The following SYT9 variants were observed in gnomAD, a reference collection of about 807,000 sequenced individuals.
The protein encoded by SYT9 is synaptotagmin 9, also known as synaptotagmin-9.
In SYT9, 22 loss-of-function variants were observed where a neutral mutation model predicts 48.4. That is an observed-to-expected ratio of 0.45 (90% confidence interval 0.32 to 0.65). SYT9 has a LOEUF of 0.65. Among genes scored for constraint, SYT9 ranks in the 30% least tolerant of loss-of-function variants. The pLI, the probability that SYT9 is intolerant of heterozygous loss-of-function variation, is 0.03. For missense variants in SYT9, 577 were observed against 622.0 expected (o/e 0.93, Z 0.77); for synonymous variants, 265 against 245.0 (o/e 1.08, Z -0.76).
intron 3 of SYT9, 45 bp from the exon 4 acceptor site, chr11:7,415,997 G>A (rs1156467989): frequency 4.3e-6 from 7 of 1,613,142 alleles, no homozygotes; most frequent in Non-Finnish European, 5.1e-6. Context: ...TTGCACACCA[G>A]GCTGGAGACA....
rs1027223571 is a variant in SYT9 at position 7,414,608 on chromosome 11, G to A, written c.1045-1434G>A. 3.3e-5 allele frequency among the ~76,000 whole-genome samples: 5 copies of A among 150,594 alleles called. 1 individual carries two copies. The highest frequency in any genetic ancestry group is 1.3e-4 in the Admixed American group (2 of 15,266). On this transcript the variant is annotated intron_variant, in intron 3 of 6. Coordinates refer to ENST00000318881, the MANE Select transcript of SYT9 (RefSeq NM_175733.4). ...AAAAGGGGAATGCCCAGTCACATGG[G>A]TCCCTTGAGGTCATGGCTCCAGGAA...
intron 6 of SYT9, among the ~76,000 whole-genome samples, chr11:7,422,040 G>C (rs1244675073): frequency 6.6e-6 from 1 of 152,218 alleles, no homozygotes; most frequent in Non-Finnish European, 1.5e-5. Context: ...TCCAGGCAGA[G>C]AGCTTTCCTC....
chr11:7,342,399 G>A (rs1195881047), intron 3 of SYT9, among the ~76,000 whole-genome samples: 1 of 152,164 alleles, frequency 6.6e-6, no homozygotes, highest in Non-Finnish European at 1.5e-5. Context: ...CATTCCAAAT[G>A]GGAGAAATTG....
chr11:7,315,295 C>T (rs1044133854), intron 3 of SYT9, among the ~76,000 whole-genome samples: 1 of 152,124 alleles, frequency 6.6e-6, no homozygotes, highest in African/African-American at 2.4e-5. Context: ...GCTTGTCTCC[C>T]AAATCCCAAC....
chr11:7,313,719 T>A lies in SYT9; in HGVS notation c.822T>A (p.Thr274=). 6.2e-7 allele frequency: 1 copy of A among 1,614,204 alleles called. No individual in the cohort carries two copies. The highest frequency in any genetic ancestry group is 1.1e-5 in the South Asian group (1 of 91,084). Residue 274 remains threonine, a synonymous_variant, in exon 3 of 7, where the codon ACT becomes ACA. Transcript: ENST00000318881. The part of the protein sequence containing the change: ...LLPDRKTKHQ[T]KVHRKTLNPV... The stretch of plus-strand genomic sequence containing the variant: ...CTGATCGGAAAACAAAACACCAGAC[T>A]AAAGTTCACAGAAAGACCCTGAACC...
intron 1 of SYT9, among the ~76,000 whole-genome samples, chr11:7,246,593 C>A (rs546365816): frequency 1.3e-5 from 2 of 152,314 alleles, no homozygotes; most frequent in African/African-American, 4.8e-5. Flanking sequence ...TTTGGAGCCA[C>A]AAAGATGTGG....
chr11:7,356,361 T>C (rs1379905174), intron 3 of SYT9, among the ~76,000 whole-genome samples: 2 of 152,226 alleles, frequency 1.3e-5, no homozygotes, highest in Non-Finnish European at 2.9e-5. Flanking sequence ...TGACTACTCC[T>C]GTATTTCAGT....
At position 7,252,179 on chromosome 11, in the gene SYT9, G is replaced by T. The variant is rs866468057; in HGVS notation, c.-8G>T. On this transcript the variant is annotated 5_prime_UTR_variant, in exon 1 of 7. Coordinates refer to ENST00000318881, the MANE Select transcript of SYT9 (RefSeq NM_175733.4). The surrounding 1 kb of genome is among the most constrained non-coding windows in gnomAD (Gnocchi z 6.3). ...CTGCCCGGCGCGGTCCGAGGATGCGGGGGGGCGATGCCCGGGGCCAGGGAC... is the reference window on the plus strand; with the variant it reads ...CTGCCCGGCGCGGTCCGAGGATGCGTGGGGGCGATGCCCGGGGCCAGGGAC... The T allele has an allele frequency of 6.2e-6, 9 of 1,441,630 alleles. No individual in the cohort carries two copies. In the East Asian group the frequency reaches 2.4e-4, roughly 39 times the overall value. The allele number at this position is 1,441,630 out of a possible 1,614,324, so 89.3% of individuals were successfully genotyped here. A position where few individuals can be genotyped will look rare whatever the true frequency, so the allele number is the denominator to read the frequency against.
chr11:7,413,615 C>T (rs999594134), intron 3 of SYT9, among the ~76,000 whole-genome samples: 16 of 152,190 alleles, frequency 1.1e-4, no homozygotes, highest in Non-Finnish European at 1.9e-4. Flanking sequence ...CTTCCATTTC[C>T]TCTGTTACCT....
chr11:7,346,073 C>T (rs145667363), intron 3 of SYT9, among the ~76,000 whole-genome samples: 21 of 152,248 alleles, frequency 1.4e-4, no homozygotes, highest in South Asian at 2.1e-4. Flanking sequence ...GATTATGTGA[C>T]GGCAAAGTCA....
chr11:7,268,052 T>G (rs889957393), intron 1 of SYT9, among the ~76,000 whole-genome samples: 3 of 151,992 alleles, frequency 2.0e-5, no homozygotes, highest in Non-Finnish European at 4.4e-5. Context: ...CAAAGAACTT[T>G]CTGTGTAAAA....
intron 3 of SYT9, among the ~76,000 whole-genome samples, chr11:7,345,187 G>A (rs993368969): frequency 1.3e-5 from 2 of 152,120 alleles, no homozygotes; most frequent in Non-Finnish European, 2.9e-5. Context: ...AAATTCTAGG[G>A]GGGATGGCCT....
At chr11:7,249,678 G>A (rs1159232899), upstream of SYT9, among the ~76,000 whole-genome samples, 3 of 152,142 alleles carry the variant, frequency 2.0e-5, no homozygotes, top group African/African-American at 7.2e-5. Flanking sequence ...ATACTATGTG[G>A]CAGCACTATT....
Position 7,243,795 on chromosome 11 carries a change from A to G in SYT9, c.49+4879A>G, listed in dbSNP as rs535872744. ...TTTTTGGCTAGTTGGATAGTCTACA[A>G]CCACTTGTGACACTCTCTAACCAAT... On this transcript the variant is annotated intron_variant and NMD_transcript_variant, in intron 1 of 8. Transcript: ENST00000524820. Among the ~76,000 whole-genome samples the G allele has an allele frequency of 5.9e-5, 9 of 152,248 alleles. No individual in the cohort carries two copies. In the South Asian group the frequency reaches 1.7e-3, roughly 28 times the overall value.
At chr11:7,448,685 CCTG>C (rs1847984520) in intron 6 of SYT9, among the ~76,000 whole-genome samples, 1 of 152,238 alleles carries the variant, frequency 6.6e-6, no homozygotes, top group South Asian at 2.1e-4. Context: ...AGTGGCAAAA[CCTG>C]CTCTACAGAG....
At chr11:7,247,745 G>T (rs576702228), upstream of SYT9, among the ~76,000 whole-genome samples, 4 of 150,304 alleles carry the variant, frequency 2.7e-5, no homozygotes, top group Non-Finnish European at 4.4e-5. Context: ...CATTTGGGTC[G>T]GTTCTGTGTT....
chr11:7,424,217 T>C (rs1380695305), intron 6 of SYT9, among the ~76,000 whole-genome samples: 6 of 152,160 alleles, frequency 3.9e-5, no homozygotes, highest in Non-Finnish European at 8.8e-5. Flanking sequence ...TCCGTTTCTC[T>C]CGCAGGAATT....
intron 1 of SYT9, among the ~76,000 whole-genome samples, chr11:7,246,554 C>G (rs1180068239): frequency 6.6e-6 from 1 of 152,178 alleles, no homozygotes; most frequent in Non-Finnish European, 1.5e-5. Context: ...ACCCTCACCA[C>G]TCTACTATAA....
In SYT9 at chr11:7,442,732, C is replaced by CT. The variant is rs201894124; in HGVS notation, c.1467+22097_1467+22098insT. 9.3e-3 allele frequency among the ~76,000 whole-genome samples: 1,415 copies of CT among 152,308 alleles called. 18 individuals are homozygous for CT. The highest frequency in any genetic ancestry group is 0.032 in the African/African-American group (1,347 of 41,550). The stretch of plus-strand genomic sequence containing the variant: ...TGACAAGCATCTGTCTCTCAAAGAG[C>CT]AGTAGGCCTTTCCTAGGGCCTCTGC... On this transcript the variant is annotated intron_variant, in intron 6 of 6. Coordinates refer to ENST00000318881, the MANE Select transcript of SYT9 (RefSeq NM_175733.4).
Sources: gnomAD v4.1 joint callset for allele counts (sites outside exome capture counted in the v4.1 genomes callset) on GRCh38, gnomAD v4.1.1 for gene constraint, Gnocchi (gnomAD v3.1) non-coding constraint, MANE v1.5 for transcripts, NCBI Gene and HGNC (gene_info 2026-07-23, HGNC 2026-07-21) for gene names.